ANKRD36C: variants seen among roughly 807,000 people sequenced by gnomAD.
The protein encoded by ANKRD36C is ankyrin repeat domain-containing protein 36C.
In ANKRD36C, 61 loss-of-function variants were observed where a neutral mutation model predicts 276.4. The observed-to-expected ratio is 0.22, with a 90% confidence interval of 0.18 to 0.27. The LOEUF (loss-of-function observed/expected upper bound fraction) is 0.27. Among genes scored for constraint, ANKRD36C ranks in the 10% least tolerant of loss-of-function variants. The probability of loss-of-function intolerance (pLI) is 1.00; values close to 1 mark genes in which losing one functional copy is unlikely to be tolerated. For missense variants in ANKRD36C, 1,447 were observed against 2,032.3 expected, an observed-to-expected ratio of 0.71 and a Z score of 5.54; for synonymous variants, 483 against 680.1, an observed-to-expected ratio of 0.71 and a Z score of 4.51.
At chr2:95,974,830 T>G (rs1678772360) in intron 6 of ANKRD36C, among the ~76,000 whole-genome samples, 1 of 116,072 alleles carries the variant, frequency 8.6e-6, no homozygotes, top group South Asian at 3.3e-4. Flanking sequence ...CAGTCCCTGG[T>G]GTGTGATGTT....
At position 95,910,463 on chromosome 2, in the gene ANKRD36C, C is replaced by T. The variant is rs138068429; in HGVS notation, c.2653+1781G>A. On this transcript the variant is annotated intron_variant, in intron 42 of 66. Transcript: ENST00000456556. ...CTTGTAGCCTGAATAGAATTTGAAACGAAATAATAAATAAATAAAGTATGT... is the reference window on the plus strand; with the variant it reads ...CTTGTAGCCTGAATAGAATTTGAAATGAAATAATAAATAAATAAAGTATGT... 1.2e-4 allele frequency: 196 copies of T among 1,583,864 alleles called. 1 individual carries two copies. In the East Asian group the frequency reaches 3.9e-3, roughly 31 times the overall value.
chr2:95,893,959 C>G (rs1380900096), intron 44 of ANKRD36C, among the ~76,000 whole-genome samples: 1 of 151,346 alleles, frequency 6.6e-6, no homozygotes, highest in Non-Finnish European at 1.5e-5. Context: ...TCTCATATGT[C>G]AAAAACTAAA....
chr2:95,934,546 T>G (rs1278499615), intron 24 of ANKRD36C, among the ~76,000 whole-genome samples: 3 of 151,658 alleles, frequency 2.0e-5, no homozygotes, highest in African/African-American at 7.3e-5. Context: ...TAAGTGGGAG[T>G]TGAACAATAA....
At chr2:95,982,222 T>C in intron 4 of ANKRD36C, 34 bp downstream of exon 4, 1 of 1,464,742 alleles carries the variant, frequency 6.8e-7, no homozygotes, top group Non-Finnish European at 9.2e-7. Context: ...ACACTCAGGT[T>C]TAAAAACAAC....
At chr2:95,965,527 T>A (rs1678570621) in intron 6 of ANKRD36C, among the ~76,000 whole-genome samples, 1 of 152,224 alleles carries the variant, frequency 6.6e-6, no homozygotes, top group Non-Finnish European at 1.5e-5. Flanking sequence ...GGGAAACAGT[T>A]GCAATCAACA....
intron 44 of ANKRD36C, 46 bp from the exon 59 acceptor site, chr2:95,897,511 A>C (rs1676589254): frequency 6.6e-7 from 1 of 1,516,860 alleles, no homozygotes; most frequent in Non-Finnish European, 8.9e-7. Context: ...TAAAAATGAC[A>C]AAATTATCCA....
intron 6 of ANKRD36C, among the ~76,000 whole-genome samples, chr2:95,969,205 C>A (rs2245575): frequency 8.5e-5 from 13 of 152,196 alleles, no homozygotes; most frequent in Admixed American, 3.9e-4. Context: ...CCTGATCACT[C>A]TGATGATGAG....
At position 95,855,836 on chromosome 2, in the gene ANKRD36C, T is replaced by G. The variant is rs575260668; in HGVS notation, c.4425A>C (p.Leu1475=). Residue 1475 remains leucine, a synonymous_variant, in exon 63 of 67, where the codon CTA becomes CTC. Transcript: ENST00000456556. ...ATGAGTGACTTTGATCATGATCACA[T>G]AGAGCAGCATTCAGTCTACAACGGT... The G allele has an allele frequency of 2.3e-5, 37 of 1,613,762 alleles. No individual in the cohort carries two copies. Among genetic ancestry groups the G allele is most frequent in the Non-Finnish European group, 3.1e-5 (37 of 1,179,840 alleles).
At chr2:95,929,030 A>G (rs757024608) in intron 26 of ANKRD36C, 42 bp downstream of exon 26, 6 of 1,599,254 alleles carry the variant, frequency 3.8e-6, no homozygotes, top group Non-Finnish European at 5.1e-6. Context: ...GTTCTCTTCC[A>G]TCTTGATTGA....
At chr2:95,851,865 A>C in intron 65 of ANKRD36C, 78 bp from the exon 86 acceptor site, 1 of 1,406,376 alleles carries the variant, frequency 7.1e-7, no homozygotes, top group East Asian at 2.5e-5. Context: ...AAACTTCTGA[A>C]GGTATAATTA....
intron 6 of ANKRD36C, among the ~76,000 whole-genome samples, chr2:95,964,181 GA>G (rs80168070): frequency 0.05 from 5,108 of 101,872 alleles, 88 homozygotes; most frequent in Middle Eastern, 0.069. Context: ...CTTTCCTAAA[GA>G]AAAAAAAAAA....
chr2:95,972,511 A>G (rs901974302), intron 6 of ANKRD36C, among the ~76,000 whole-genome samples: 2 of 152,266 alleles, frequency 1.3e-5, no homozygotes, highest in Middle Eastern at 6.8e-3. Context: ...CCCTGAGCCA[A>G]TTTTACTATG....
At chr2:95,859,083 G>C (rs78496791) in intron 61 of ANKRD36C, among the ~76,000 whole-genome samples, 2 of 151,630 alleles carry the variant, frequency 1.3e-5, no homozygotes, top group Admixed American at 6.6e-5. Flanking sequence ...CACTGGGCTG[G>C]AGTGCACTGG....
chr2:95,917,036 G>A (rs1019270494), intron 36 of ANKRD36C, among the ~76,000 whole-genome samples: 1 of 151,540 alleles, frequency 6.6e-6, no homozygotes, highest in African/African-American at 2.4e-5. Context: ...GGGAGTATCA[G>A]GTTGTTCTCT....
rs544128786 is a variant in ANKRD36C at position 95,892,574 on chromosome 2, A to C, written c.2756-714T>G. On this transcript the variant is annotated intron_variant, in intron 44 of 66. Transcript: ENST00000456556. Reference sequence around the variant, plus strand: ...AAAATATCATCAATTATCAATTTTGACATACCTATACAAAGTAAAGCTGCT... The same window carrying C: ...AAAATATCATCAATTATCAATTTTGCCATACCTATACAAAGTAAAGCTGCT... Among the ~76,000 whole-genome samples the C allele has an allele frequency of 2.9e-4, 44 of 151,684 alleles. 2 individuals carry two copies. The highest frequency in any genetic ancestry group is 1.0e-3 in the African/African-American group (42 of 41,494).
chr2:95,954,526 G>A (rs1156781885), intron 13 of ANKRD36C, among the ~76,000 whole-genome samples: 1 of 152,136 alleles, frequency 6.6e-6, no homozygotes, highest in Non-Finnish European at 1.5e-5. Flanking sequence ...CTTAAAGAGG[G>A]CCCATTGATT....
chr2:95,928,804 T>G (rs1157950966), intron 26 of ANKRD36C, among the ~76,000 whole-genome samples: 1 of 151,586 alleles, frequency 6.6e-6, no homozygotes, highest in Non-Finnish European at 1.5e-5. Flanking sequence ...AAAATTATGC[T>G]GCTCCCTGAG....
Position 95,884,262 on chromosome 2 carries a change from A to C in ANKRD36C, c.3193-17T>G. On this transcript the variant is annotated splice_polypyrimidine_tract_variant and intron_variant, in intron 53 of 66. Coordinates refer to ENST00000456556, the Ensembl canonical transcript of ANKRD36C. ...ACCTGTAGCCTGAATGGAATTTGAA[A>C]CAAAATAATAAATCAATAAAGTATG... is the stretch of plus-strand genomic sequence containing the variant. The C allele has an allele frequency of 6.2e-7, 1 of 1,610,026 alleles. No individual in the cohort carries two copies. The highest frequency in any genetic ancestry group is 8.5e-7 in the Non-Finnish European group (1 of 1,178,778).
At chr2:95,917,235 T>C (rs898054477) in intron 36 of ANKRD36C, among the ~76,000 whole-genome samples, 17 of 151,670 alleles carry the variant, frequency 1.1e-4, no homozygotes, top group Non-Finnish European at 2.5e-4. Context: ...CATTGTTTCC[T>C]GCTTCCAGTA....
Sources: gnomAD v4.1 joint callset for allele counts (sites outside exome capture counted in the v4.1 genomes callset) on GRCh38, gnomAD v4.1.1 for gene constraint, MANE v1.5 for transcripts, NCBI Gene and HGNC (gene_info 2026-07-23, HGNC 2026-07-21) for gene names.